MOGAT1: variants seen among roughly 807,000 people sequenced by gnomAD.
The protein encoded by MOGAT1 is monoacylglycerol O-acyltransferase 1.
MOGAT1 carries 32 observed loss-of-function variants against 31.4 expected under a neutral mutation model. The observed-to-expected ratio is 1.02, with a 90% CI of 0.77 to 1.37. The LOEUF is 1.37. MOGAT1 is among the 40% of genes most tolerant of loss of function. The pLI, the probability that MOGAT1 is intolerant of heterozygous loss-of-function variation, is 0.00. For missense variants in MOGAT1, 426 were observed against 402.0 expected, an observed-to-expected ratio of 1.06 and a Z score of -0.51; for synonymous variants, 145 against 144.5, an observed-to-expected ratio of 1.00 and a Z score of -0.03.
intron 1 of MOGAT1, among the ~76,000 whole-genome samples, chr2:222,676,040 T>C (rs1692491964): frequency 6.6e-6 from 1 of 152,154 alleles, no homozygotes; most frequent in South Asian, 2.1e-4. Context: ...AAGCTATTAG[T>C]ACTTGGAATA....
At chr2:222,692,793 C>G (rs1692781606) in intron 3 of MOGAT1, among the ~76,000 whole-genome samples, 1 of 152,092 alleles carries the variant, frequency 6.6e-6, no homozygotes, top group African/African-American at 2.4e-5. Context: ...AGACAAGGAG[C>G]CTGAGGGAAA....
At chr2:222,709,648 AGTTGT>A in intron 5 of MOGAT1, 83 bp from the exon 6 acceptor site, 2 of 1,187,244 alleles carry the variant, frequency 1.7e-6, no homozygotes, top group Non-Finnish European at 2.4e-6. Context: ...TCTGATTGGC[AGTTGT>A]GTTCACAGCT....
At chr2:222,679,378 G>A (rs1037518658) in intron 1 of MOGAT1, among the ~76,000 whole-genome samples, 1 of 152,042 alleles carries the variant, frequency 6.6e-6, no homozygotes, top group Non-Finnish European at 1.5e-5. Flanking sequence ...ATTATTCCAC[G>A]TCCTTATCAG....
intron 5 of MOGAT1, among the ~76,000 whole-genome samples, chr2:222,701,594 G>GAA (rs1252754991): frequency 3.0e-4 from 39 of 129,030 alleles, no homozygotes; most frequent in Admixed American, 2.1e-3. Context: ...AAGAAAGAAA[G>GAA]AAAGGGAGGG....
intron 1 of MOGAT1, among the ~76,000 whole-genome samples, chr2:222,678,733 G>A (rs1237497663): frequency 6.6e-6 from 1 of 152,136 alleles, no homozygotes; most frequent in Non-Finnish European, 1.5e-5. Flanking sequence ...CTGAGGTCAG[G>A]AGTTCAACAC....
intron 5 of MOGAT1, among the ~76,000 whole-genome samples, chr2:222,709,093 G>C (rs1693073137): frequency 6.6e-6 from 1 of 151,976 alleles, no homozygotes; most frequent in Admixed American, 6.6e-5. Flanking sequence ...TGTAATTCCA[G>C]CTTGAGGTCA....
At chr2:222,677,508 T>C (rs1003785929) in intron 1 of MOGAT1, among the ~76,000 whole-genome samples, 2 of 152,218 alleles carry the variant, frequency 1.3e-5, no homozygotes, top group Non-Finnish European at 2.9e-5. Flanking sequence ...TGGAAATGAC[T>C]GTTATATTAG....
At chr2:222,705,300 A>T (rs1474027231) in intron 5 of MOGAT1, among the ~76,000 whole-genome samples, 1 of 152,120 alleles carries the variant, frequency 6.6e-6, no homozygotes, top group Non-Finnish European at 1.5e-5. Context: ...CCAACCTCCT[A>T]TCTCATCCTA....
Position 222,694,431 on chromosome 2 carries a change from TC to T in MOGAT1, c.549del (p.Ile184LeufsTer32), listed in dbSNP as rs1692810929. Reference sequence around the variant, plus strand: ...AAGGAGGGAGGTGGAAACATCTCTGTCATTGTCCTTGGGGGTGCAAAAGAAT... The same window carrying T: ...AAGGAGGGAGGTGGAAACATCTCTGTATTGTCCTTGGGGGTGCAAAAGAAT... ...VSKEGGGNIS[V>X]IVLGGAKESL... On this transcript the variant is annotated frameshift_variant, in exon 4 of 6. Coordinates refer to ENST00000446656, the MANE Select transcript of MOGAT1 (RefSeq NM_058165.3). LOFTEE classifies it high-confidence loss of function. 1 of 1,613,748 alleles carries T rather than the reference TC, an allele frequency of 6.2e-7. No homozygotes were observed. The highest frequency in any genetic ancestry group is 1.3e-5 in the African/African-American group (1 of 74,930).
At chr2:222,676,007 C>T (rs1277557155) in intron 1 of MOGAT1, among the ~76,000 whole-genome samples, 2 of 152,072 alleles carry the variant, frequency 1.3e-5, no homozygotes, top group African/African-American at 2.4e-5. Context: ...CATTTTTCTT[C>T]CCATCACCAG....
chr2:222,677,164 C>G (rs906479829), intron 1 of MOGAT1, among the ~76,000 whole-genome samples: 1 of 152,152 alleles, frequency 6.6e-6, no homozygotes, highest in African/African-American at 2.4e-5. Flanking sequence ...AAAAGTTCTA[C>G]CACAGCTTCT....
At chr2:222,687,352 T>C (rs992117990) in intron 1 of MOGAT1, among the ~76,000 whole-genome samples, 4 of 151,968 alleles carry the variant, frequency 2.6e-5, no homozygotes, top group Admixed American at 2.6e-4. Flanking sequence ...GAGACTGCAG[T>C]GTGTTATAGA....
intron 1 of MOGAT1, among the ~76,000 whole-genome samples, chr2:222,672,944 A>T (rs1013389420): frequency 1.0e-4 from 15 of 146,132 alleles, no homozygotes; most frequent in Admixed American, 8.2e-4. Context: ...ACGGAGTTTC[A>T]CTCTTGTTGC....
chr2:222,695,634 A>G (rs924906925), intron 5 of MOGAT1, among the ~76,000 whole-genome samples: 1 of 152,226 alleles, frequency 6.6e-6, no homozygotes, highest in East Asian at 1.9e-4. Flanking sequence ...GAGTTTACAG[A>G]TAGATGAACA....
At chr2:222,705,827 G>C (rs185996517) in intron 5 of MOGAT1, among the ~76,000 whole-genome samples, 4 of 152,258 alleles carry the variant, frequency 2.6e-5, no homozygotes, top group Admixed American at 2.0e-4. Flanking sequence ...TATTGGAACT[G>C]AACTCACAAT....
intron 5 of MOGAT1, among the ~76,000 whole-genome samples, chr2:222,702,211 G>T (rs1186461691): frequency 6.6e-6 from 1 of 152,150 alleles, no homozygotes; most frequent in Non-Finnish European, 1.5e-5. Context: ...AAATATCAGT[G>T]TCATAAGAGA....
chr2:222,674,472 T>A (rs1692466815), intron 1 of MOGAT1, among the ~76,000 whole-genome samples: 1 of 152,124 alleles, frequency 6.6e-6, no homozygotes, highest in Non-Finnish European at 1.5e-5. Context: ...TTTTTTTAAG[T>A]TTTAGGTTCA....
chr2:222,691,500 C>T (rs764084355), intron 3 of MOGAT1, among the ~76,000 whole-genome samples: 2 of 152,240 alleles, frequency 1.3e-5, no homozygotes, highest in African/African-American at 2.4e-5. Context: ...TGCACCACTG[C>T]GCCCAGCAAT....
chr2:222,694,476 G>A lies in MOGAT1; in HGVS notation c.593G>A (p.Gly198Glu). The part of the protein sequence containing the change: ...GAKESLDAHP[G>E]KFTLFIRQRK... ...AAAGAATCACTGGATGCTCATCCTGGAAAGTTCACTCTGTTCATCCGCCAG... is the reference window on the plus strand; with the variant it reads ...AAAGAATCACTGGATGCTCATCCTGAAAAGTTCACTCTGTTCATCCGCCAG... Residue 198 changes from glycine to glutamate, a missense_variant, in exon 4 of 6, where the codon GGA becomes GAA. Physicochemically the swap from Gly to Glu is moderately conservative, Grantham distance 98 (BLOSUM62 -2). Transcript: ENST00000446656. 1.2e-6 allele frequency: 2 copies of A among 1,613,918 alleles called. No individual in the cohort carries two copies. The highest frequency in any genetic ancestry group is 1.7e-6 in the Non-Finnish European group (2 of 1,179,860).
Sources: allele counts gnomAD v4.1 joint callset (sites outside exome capture counted in the v4.1 genomes callset), GRCh38; gene constraint gnomAD v4.1.1; transcripts MANE v1.5; gene names NCBI Gene and HGNC (gene_info 2026-07-23, HGNC 2026-07-21).